Variants in ARHGEF11 observed in about 807,000 individuals in gnomAD.
ARHGEF11 encodes the protein Rho guanine exchange factor (GEF) 11.
Under a neutral mutation model 193.7 loss-of-function variants are expected in ARHGEF11, and 55 were observed. The ratio of observed to expected loss-of-function variants is 0.28; its 90% CI spans 0.23 to 0.36. The LOEUF (loss-of-function observed/expected upper bound fraction) is 0.36, where lower values mean the gene tolerates loss of function less well. Ranked by LOEUF, ARHGEF11 falls within the 10% of genes least tolerant of loss-of-function variation. The pLI, the probability that ARHGEF11 is intolerant of heterozygous loss-of-function variation, is 1.00. For synonymous variants in ARHGEF11, 693 were observed against 768.0 expected (o/e 0.90, Z 1.62); for missense variants, 1,723 against 2,005.6 (o/e 0.86, Z 2.69).
At chr1:157,020,070 G>C (rs2102893694) in intron 1 of ARHGEF11, among the ~76,000 whole-genome samples, 1 of 150,976 alleles carries the variant, frequency 6.6e-6, no homozygotes, top group Non-Finnish European at 1.5e-5. Context: ...CTTGCAGTGA[G>C]CCAAGATCAC....
intron 3 of ARHGEF11, among the ~76,000 whole-genome samples, chr1:156,982,544 G>GATGC (rs1324038380): frequency 1.3e-5 from 2 of 152,002 alleles, no homozygotes; most frequent in African/African-American, 2.4e-5. Flanking sequence ...TGCACACAGG[G>GATGC]ATGCATGCAT....
intron 20 of ARHGEF11, 151 bp from the exon 21 acceptor site, chr1:156,955,072 A>G: frequency 2.9e-6 from 2 of 680,050 alleles, no homozygotes. Context: ...GTTTCCTGCA[A>G]TGCAGCAATT....
Position 156,969,270 on chromosome 1 carries a change from G to A in ARHGEF11, c.825+12C>T, listed in dbSNP as rs1230416263. ...GCACGTTCTGAATGGGCCTTGCCCT[G>A]CTGGGACTCACCTCACTGAGGGAAG... On this transcript the variant is annotated intron_variant, in intron 10 of 40. Coordinates refer to ENST00000368194, the MANE Select transcript of ARHGEF11 (RefSeq NM_198236.3). The A allele has an allele frequency of 6.3e-7, 1 of 1,585,540 alleles. No individual in the cohort carries two copies. The highest frequency in any genetic ancestry group is 2.3e-5 in the East Asian group (1 of 43,828).
chr1:156,953,307 T>C (rs1316611137), intron 21 of ARHGEF11, among the ~76,000 whole-genome samples: 1 of 152,102 alleles, frequency 6.6e-6, no homozygotes, highest in Non-Finnish European at 1.5e-5. Context: ...GGTGTGGTGA[T>C]ATATGTCTGT....
At chr1:157,036,467 G>T (rs934712547) in intron 1 of ARHGEF11, among the ~76,000 whole-genome samples, 1 of 151,774 alleles carries the variant, frequency 6.6e-6, no homozygotes, top group Non-Finnish European at 1.5e-5. Flanking sequence ...GACTACAGGC[G>T]TGCACCAACA....
At chr1:157,027,367 G>A (rs1363388702) in intron 1 of ARHGEF11, among the ~76,000 whole-genome samples, 1 of 152,164 alleles carries the variant, frequency 6.6e-6, no homozygotes, top group African/African-American at 2.4e-5. Context: ...GGGTGACAGA[G>A]TGAGACCCTG....
At chr1:157,036,408 G>C (rs1672055202) in intron 1 of ARHGEF11, among the ~76,000 whole-genome samples, 1 of 151,704 alleles carries the variant, frequency 6.6e-6, no homozygotes, top group Non-Finnish European at 1.5e-5. Context: ...TGCAACCTCT[G>C]TCTCCCGGGT....
intron 1 of ARHGEF11, among the ~76,000 whole-genome samples, chr1:157,017,706 C>CAAAA (rs1047573559): frequency 1.1e-3 from 47 of 41,346 alleles, no homozygotes; most frequent in Non-Finnish European, 1.6e-3. Flanking sequence ...GACTCCGTCT[C>CAAAA]AAAAAAAAAA....
chr1:157,027,351 C>T (rs1452089116), intron 1 of ARHGEF11, among the ~76,000 whole-genome samples: 1 of 152,152 alleles, frequency 6.6e-6, no homozygotes, highest in African/African-American at 2.4e-5. Context: ...CACTGCACTC[C>T]AGTCTGGGTG....
chr1:156,946,895 C>A, intron 27 of ARHGEF11, 41 bp downstream of exon 27: 1 of 1,613,618 alleles, frequency 6.2e-7, no homozygotes, highest in South Asian at 1.1e-5. Context: ...CTGCCTCCCC[C>A]AATCTCCTCC....
At chr1:157,043,163 G>A (rs1672964172) in intron 1 of ARHGEF11, among the ~76,000 whole-genome samples, 1 of 152,212 alleles carries the variant, frequency 6.6e-6, no homozygotes. Context: ...ATTATTATTA[G>A]CATGGATAAC....
chr1:157,029,122 G>A (rs564307435), intron 1 of ARHGEF11, among the ~76,000 whole-genome samples: 1 of 147,728 alleles, frequency 6.8e-6, no homozygotes, highest in African/African-American at 2.5e-5. Flanking sequence ...AGTCAAGATT[G>A]TGCCATTGCA....
chr1:157,010,250 C>T (rs1668385297), intron 1 of ARHGEF11, among the ~76,000 whole-genome samples: 1 of 152,014 alleles, frequency 6.6e-6, no homozygotes. Flanking sequence ...GGAGTTCTGG[C>T]CAGGGCAATT....
In ARHGEF11 at chr1:156,947,348, A is replaced by C; in HGVS notation, c.2444T>G (p.Leu815Arg). The C allele has an allele frequency of 6.2e-7, 1 of 1,613,876 alleles. No individual in the cohort carries two copies. Among genetic ancestry groups the C allele is most frequent in the Non-Finnish European group, 8.5e-7 (1 of 1,179,932 alleles). ...KKENLMPREE[L>R]ARLFPNLPEL... ...AGGCAGGTTCGGGAAGAGCCGGGCC[A>C]GCTCCTCCCGGGGCATCAGGTTCTC... The change falls in exon 26 of 41, where the codon CTG becomes CGG. Residue 815 changes from leucine (L) to arginine (R), a missense_variant. By Grantham distance (102) the Leu-to-Arg change is moderately radical (BLOSUM62 -2). Transcript: ENST00000368194.
At chr1:157,037,508 G>A (rs1672190232) in intron 1 of ARHGEF11, among the ~76,000 whole-genome samples, 1 of 152,106 alleles carries the variant, frequency 6.6e-6, no homozygotes, top group Admixed American at 6.6e-5. Context: ...ACCACACCAT[G>A]TTGGTGCCAC....
Position 156,942,615 on chromosome 1 carries a change from A to G in ARHGEF11, c.3326+75T>C, listed in dbSNP as rs970118405. On this transcript the variant is annotated intron_variant, in intron 33 of 40. Transcript: ENST00000368194. ...TTTGGGGCCCAAACCTGGCCTTGCTACCCACTGTCCTCATAAACACCACCC... is the reference window on the plus strand; with the variant it reads ...TTTGGGGCCCAAACCTGGCCTTGCTGCCCACTGTCCTCATAAACACCACCC... 9 of 1,384,190 alleles carry G rather than the reference A, an allele frequency of 6.5e-6. No individual in the cohort carries two copies. In the African/African-American group the frequency reaches 7.1e-5, roughly 11 times the overall value. The allele number at this position is 1,384,190 out of a possible 1,614,324, so 85.7% of individuals were successfully genotyped here.
Position 157,040,665 on chromosome 1 carries a change from C to T in ARHGEF11, c.32+3634G>A, listed in dbSNP as rs189613166. 5.9e-5 allele frequency among the ~76,000 whole-genome samples: 9 copies of T among 152,306 alleles called. No individual in the cohort carries two copies. The East Asian group carries it at 1.7e-3, about 29-fold the overall frequency. Reference sequence around the variant, plus strand: ...CTTCTACAACAATAAAGCCAGTTCACTCTGCTTAAATTCTTCAAAATGATA... The same window carrying T: ...CTTCTACAACAATAAAGCCAGTTCATTCTGCTTAAATTCTTCAAAATGATA... On this transcript the variant is annotated intron_variant, in intron 1 of 40. Transcript: ENST00000368194.
intron 1 of ARHGEF11, among the ~76,000 whole-genome samples, chr1:157,041,395 C>G (rs573546319): frequency 6.6e-6 from 1 of 152,274 alleles, no homozygotes; most frequent in South Asian, 2.1e-4. Context: ...AGAATAGTTG[C>G]AAATACTTTA....
At chr1:157,010,966 C>G (rs1288969168) in intron 1 of ARHGEF11, among the ~76,000 whole-genome samples, 4 of 152,184 alleles carry the variant, frequency 2.6e-5, no homozygotes, top group African/African-American at 9.6e-5. Flanking sequence ...TAAATGAAAT[C>G]CCTATTAAAA....
Sources: gnomAD v4.1 joint callset for allele counts (sites outside exome capture counted in the v4.1 genomes callset) on GRCh38, gnomAD v4.1.1 for gene constraint, MANE v1.5 for transcripts, NCBI Gene and HGNC (gene_info 2026-07-23, HGNC 2026-07-21) for gene names.